The following SNX9 variants were observed in gnomAD, a reference collection of about 807,000 sequenced individuals.
SNX9 encodes the protein sorting nexin-9.
Under a neutral mutation model 89.4 loss-of-function variants are expected in SNX9, and 44 were observed. The observed-to-expected ratio is 0.49, with a 90% CI of 0.39 to 0.63. SNX9 has a LOEUF of 0.63. Ranked by LOEUF, SNX9 falls within the 30% of genes least tolerant of loss-of-function variation. SNX9 has a pLI of 0.00. For synonymous variants in SNX9, 236 were observed against 247.8 expected (o/e 0.95, Z 0.45); for missense variants, 578 against 736.1 (o/e 0.79, Z 2.49).
At chr6:157,890,662 G>A (rs1056004614) in intron 4 of SNX9, among the ~76,000 whole-genome samples, 4 of 152,166 alleles carry the variant, frequency 2.6e-5, no homozygotes, top group Admixed American at 6.5e-5. Flanking sequence ...TTTACAAAGC[G>A]TTTACCCAGG....
In SNX9 at chr6:157,906,167, G is replaced by T; in HGVS notation, c.660G>T (p.Leu220Phe). Reference protein sequence around the residue: ...GFAKPGTEQYLLAKQLAKPKE... With the variant: ...GFAKPGTEQYFLAKQLAKPKE... Reference sequence around the variant, plus strand: ...CGAAACCTGGCACGGAACAGTATTTGTTGGCCAAACAACTAGCAAAACCCA... The same window carrying T: ...CGAAACCTGGCACGGAACAGTATTTTTTGGCCAAACAACTAGCAAAACCCA... Residue 220 changes from leucine (L) to phenylalanine (F), a missense_variant, in exon 7 of 18, where the codon TTG becomes TTT. Physicochemically the swap from Leu to Phe is conservative, Grantham distance 22. Transcript: ENST00000392185. 1 of 1,597,368 alleles carries T rather than the reference G, an allele frequency of 6.3e-7. No individual in the cohort carries two copies. The highest frequency in any genetic ancestry group is 8.5e-7 in the Non-Finnish European group (1 of 1,175,954).
intron 9 of SNX9, among the ~76,000 whole-genome samples, chr6:157,915,640 A>T (rs573523030): frequency 0.05 from 4,791 of 94,966 alleles, 239 homozygotes; most frequent in Non-Finnish European, 0.065. Flanking sequence ...AAAAAAAAAA[A>T]ATATATATAT....
chr6:157,942,314 C>G lies in SNX9; in HGVS notation c.1741-477C>G, dbSNP rs190989705. ...AGCTGTGCCTTCAAGGAGCAAGAGG[C>G]CCTGGCGCAGAGACCACTGCAGCGC... On this transcript the variant is annotated intron_variant, in intron 17 of 17. Coordinates refer to ENST00000392185, the MANE Select transcript of SNX9 (RefSeq NM_016224.5). Among the ~76,000 whole-genome samples the G allele has an allele frequency of 5.1e-3, 771 of 152,326 alleles. 2 individuals are homozygous for G. Among genetic ancestry groups the G allele is most frequent in the Non-Finnish European group, 7.7e-3 (522 of 68,026 alleles).
intron 9 of SNX9, among the ~76,000 whole-genome samples, chr6:157,921,256 T>G (rs575142502): frequency 2.0e-5 from 3 of 152,342 alleles, no homozygotes; most frequent in Non-Finnish European, 4.4e-5. Flanking sequence ...AGTAGCACCT[T>G]GAGGTTGTCA....
At chr6:157,935,516 G>A (rs542420140) in intron 13 of SNX9, among the ~76,000 whole-genome samples, 63 of 152,220 alleles carry the variant, frequency 4.1e-4, no homozygotes, top group Non-Finnish European at 7.4e-4. Flanking sequence ...CCCACGAAAA[G>A]AAAGGTGCAG....
chr6:157,925,760 A>G (rs1350711978), intron 10 of SNX9, among the ~76,000 whole-genome samples: 1 of 152,116 alleles, frequency 6.6e-6, no homozygotes, highest in Non-Finnish European at 1.5e-5. Context: ...ACAGGGTAGC[A>G]TGCATGCGTA....
intron 1 of SNX9, among the ~76,000 whole-genome samples, chr6:157,853,547 C>T (rs1224997353): frequency 1.3e-5 from 2 of 152,136 alleles, no homozygotes; most frequent in African/African-American, 4.8e-5. Flanking sequence ...TCCCCTCCAT[C>T]ATTCTGGGAT....
Position 157,830,109 on chromosome 6 carries a change from A to G in SNX9, c.12+6663A>G, listed in dbSNP as rs570564148. 5 of 152,324 alleles carry G rather than the reference A, an allele frequency of 3.3e-5. No homozygotes were observed. The East Asian group carries it at 9.6e-4, about 29-fold the overall frequency. The allele number at this position is 152,324 out of a possible 1,614,324, so 9.4% of individuals were successfully genotyped here. A position where few individuals can be genotyped will look rare whatever the true frequency, so the allele number is the denominator to read the frequency against. ...GTATTTTAGTTATATCTTTTTCACC[A>G]CAAATTGAACATTATTTTTATACAG... On this transcript the variant is annotated intron_variant, in intron 1 of 17. Transcript: ENST00000392185.
At chr6:157,902,672 A>AT (rs1007705979) in intron 6 of SNX9, among the ~76,000 whole-genome samples, 1 of 151,776 alleles carries the variant, frequency 6.6e-6, no homozygotes, top group African/African-American at 2.4e-5. Flanking sequence ...GTTGTGTTTT[A>AT]TTTTTTTGTT....
At chr6:157,859,541 A>T (rs1245926584) in intron 1 of SNX9, among the ~76,000 whole-genome samples, 1 of 152,228 alleles carries the variant, frequency 6.6e-6, no homozygotes, top group Non-Finnish European at 1.5e-5. Context: ...ATTTGCAGAA[A>T]TCGAAAAGTG....
chr6:157,861,566 G>A (rs1362077013), intron 1 of SNX9, among the ~76,000 whole-genome samples: 2 of 152,160 alleles, frequency 1.3e-5, no homozygotes, highest in Non-Finnish European at 1.5e-5. Flanking sequence ...ATTTTATAGC[G>A]ATAACTATAA....
At chr6:157,880,677 C>T (rs965515831) in intron 4 of SNX9, among the ~76,000 whole-genome samples, 12 of 152,224 alleles carry the variant, frequency 7.9e-5, no homozygotes, top group Non-Finnish European at 1.5e-4. Flanking sequence ...GCGTGCTCTG[C>T]ATCCTTGAGA....
At chr6:157,940,822 C>A (rs1784021044) in intron 16 of SNX9, 61 bp from the exon 17 acceptor site, 1 of 1,433,920 alleles carries the variant, frequency 7.0e-7, no homozygotes, top group African/African-American at 1.4e-5. Flanking sequence ...AGCAGAGAAA[C>A]CAGGTGTTGT....
At chr6:157,863,278 TAAG>T (rs1470672151) in intron 1 of SNX9, among the ~76,000 whole-genome samples, 4 of 152,262 alleles carry the variant, frequency 2.6e-5, no homozygotes, top group Non-Finnish European at 5.9e-5. Context: ...AGGTATGTGT[TAAG>T]AATGGATTAT....
At chr6:157,927,604 C>G (rs911436410) in intron 11 of SNX9, among the ~76,000 whole-genome samples, 1 of 150,984 alleles carries the variant, frequency 6.6e-6, no homozygotes, top group East Asian at 1.9e-4. Flanking sequence ...CTTTTTTAAT[C>G]TGTTGATTGA....
chr6:157,839,396 A>G (rs943501508), intron 1 of SNX9, among the ~76,000 whole-genome samples: 1 of 152,220 alleles, frequency 6.6e-6, no homozygotes, highest in African/African-American at 2.4e-5. Flanking sequence ...CTACCTGATT[A>G]TGAAGCATAT....
At chr6:157,889,959 A>G (rs1161275871) in intron 4 of SNX9, among the ~76,000 whole-genome samples, 9 of 152,148 alleles carry the variant, frequency 5.9e-5, no homozygotes, top group African/African-American at 1.7e-4. Flanking sequence ...TGTTATAGCC[A>G]TTGTATAAGT....
At chr6:157,889,985 G>A (rs1029063831) in intron 4 of SNX9, among the ~76,000 whole-genome samples, 7 of 152,212 alleles carry the variant, frequency 4.6e-5, no homozygotes, top group Non-Finnish European at 1.0e-4. Flanking sequence ...GACTAAGAGA[G>A]CTAAGTAAAT....
intron 1 of SNX9, among the ~76,000 whole-genome samples, chr6:157,825,913 T>A (rs552895245): frequency 3.9e-5 from 6 of 152,132 alleles, no homozygotes; most frequent in Non-Finnish European, 8.8e-5. Flanking sequence ...ATGACTAACT[T>A]TTAATAAAAA....
Sources: gnomAD v4.1 joint callset for allele counts (sites outside exome capture counted in the v4.1 genomes callset) on GRCh38, gnomAD v4.1.1 for gene constraint, MANE v1.5 for transcripts, NCBI Gene and HGNC (gene_info 2026-07-23, HGNC 2026-07-21) for gene names.